ZMYM4: variants seen among roughly 807,000 people sequenced by gnomAD.
ZMYM4 encodes the protein zinc finger MYM-type containing 4, also known as zinc finger MYM-type protein 4.
ZMYM4 carries 31 observed loss-of-function variants against 183.2 expected under a neutral mutation model. The observed-to-expected ratio is 0.17, with a 90% CI of 0.13 to 0.23. ZMYM4 has a LOEUF of 0.23. Ranked by LOEUF, ZMYM4 falls within the 10% of genes least tolerant of loss-of-function variation. The probability of loss-of-function intolerance (pLI) is 1.00; values close to 1 mark genes in which losing one functional copy is unlikely to be tolerated. For synonymous variants in ZMYM4, 592 were observed against 631.2 expected, an observed-to-expected ratio of 0.94 and a Z score of 0.93; for missense variants, 1,273 against 1,840.3, an observed-to-expected ratio of 0.69 and a Z score of 5.64.
In ZMYM4 at chr1:35,389,921, A is replaced by T. The variant is rs1396811986; in HGVS notation, c.2437-27A>T. 1 of 1,587,974 alleles carries T rather than the reference A, an allele frequency of 6.3e-7. No individual in the cohort carries two copies. Among genetic ancestry groups the T allele is most frequent in the Non-Finnish European group, 8.6e-7 (1 of 1,163,158 alleles). ...TCAGACCACAGATAATTTGTTTCTTACTCCTTGACTACCTTCTTCTTTTTA... is the reference window on the plus strand; with the variant it reads ...TCAGACCACAGATAATTTGTTTCTTTCTCCTTGACTACCTTCTTCTTTTTA... On this transcript the variant is annotated intron_variant, in intron 14 of 29. Transcript: ENST00000314607. The surrounding 1 kb of genome is among the most constrained non-coding windows in gnomAD (Gnocchi z 4.0).
chr1:35,287,358 G>A (rs1284345018), intron 1 of ZMYM4, among the ~76,000 whole-genome samples: 1 of 150,986 alleles, frequency 6.6e-6, no homozygotes, highest in East Asian at 2.0e-4. Context: ...TCAGCCACTG[G>A]CTTATAGTAG....
chr1:35,365,193 AG>A, intron 5 of ZMYM4, among the ~76,000 whole-genome samples: 1 of 151,610 alleles, frequency 6.6e-6, no homozygotes, highest in Non-Finnish European at 1.5e-5. Flanking sequence ...TAGTTACTCA[AG>A]CCCTCATGGC....
At chr1:35,417,967 C>T (rs1336834335) in intron 28 of ZMYM4, among the ~76,000 whole-genome samples, 1 of 151,412 alleles carries the variant, frequency 6.6e-6, no homozygotes, top group African/African-American at 2.4e-5. Flanking sequence ...GAGATTTCGC[C>T]GTTGCACTCC....
At chr1:35,361,154 A>G in intron 3 of ZMYM4, 40 bp from the exon 4 acceptor site, 2 of 1,521,400 alleles carry the variant, frequency 1.3e-6, no homozygotes, top group Non-Finnish European at 8.9e-7. Context: ...TTTGTTATTC[A>G]TATACATGTG....
In ZMYM4 at chr1:35,340,037, A is replaced by C. The variant is rs568348295; in HGVS notation, c.85+14632A>C. Reference sequence around the variant, plus strand: ...TAATCTGATGGGACACATCCCTGAAAATTTTTCTTCAGGAATGTTTTGCCT... The same window carrying C: ...TAATCTGATGGGACACATCCCTGAACATTTTTCTTCAGGAATGTTTTGCCT... On this transcript the variant is annotated intron_variant, in intron 2 of 29. Transcript: ENST00000314607. 4.6e-5 allele frequency among the ~76,000 whole-genome samples: 7 copies of C among 152,304 alleles called. No homozygotes were observed. In the South Asian group the frequency reaches 1.5e-3, roughly 32 times the overall value.
chr1:35,273,467 G>A (rs746555808), intron 1 of ZMYM4, among the ~76,000 whole-genome samples: 2 of 152,042 alleles, frequency 1.3e-5, no homozygotes, highest in South Asian at 2.1e-4. Context: ...TAAATCGGGC[G>A]GCCATATTTT....
intron 7 of ZMYM4, among the ~76,000 whole-genome samples, chr1:35,375,036 T>G (rs187503566): frequency 2.4e-4 from 36 of 152,330 alleles, no homozygotes; most frequent in African/African-American, 7.0e-4. Context: ...CTCTTTACAG[T>G]TCTACCTTTT....
At chr1:35,373,568 T>G (rs11264144) in intron 7 of ZMYM4, among the ~76,000 whole-genome samples, 21 of 142,904 alleles carry the variant, frequency 1.5e-4, no homozygotes, top group Non-Finnish European at 2.6e-4. Context: ...TTTTTTTTTG[T>G]ATTTTCAGTA....
intron 2 of ZMYM4, among the ~76,000 whole-genome samples, chr1:35,327,959 C>T (rs1199014313): frequency 6.6e-6 from 1 of 152,124 alleles, no homozygotes; most frequent in East Asian, 1.9e-4. Context: ...GAAGGCATGC[C>T]TCTGTCACTA....
chr1:35,361,949 C>T (rs1384897821), intron 5 of ZMYM4, among the ~76,000 whole-genome samples, 160 bp downstream of exon 5: 2 of 152,180 alleles, frequency 1.3e-5, no homozygotes, highest in African/African-American at 2.4e-5. Context: ...AAGGCATTAA[C>T]GAGCTATATG....
chr1:35,306,801 A>G (rs1472603116), intron 1 of ZMYM4, among the ~76,000 whole-genome samples: 1 of 152,168 alleles, frequency 6.6e-6, no homozygotes, highest in African/African-American at 2.4e-5. Context: ...ATGCTTTTTC[A>G]TCCTTCTGAT....
chr1:35,315,945 A>G (rs566154), intron 1 of ZMYM4, among the ~76,000 whole-genome samples: 115,540 of 151,998 alleles, frequency 0.76, 48,547 homozygotes, highest in Non-Finnish European at 0.97. Context: ...AAAAATTATT[A>G]TTATTTTTTA....
chr1:35,367,362 G>C (rs1179433519), intron 5 of ZMYM4, among the ~76,000 whole-genome samples: 1 of 151,846 alleles, frequency 6.6e-6, no homozygotes, highest in Non-Finnish European at 1.5e-5. Context: ...CTGAGTAGCT[G>C]GGATTACAGG....
At chr1:35,346,443 G>A (rs529111872) in intron 2 of ZMYM4, among the ~76,000 whole-genome samples, 2 of 152,212 alleles carry the variant, frequency 1.3e-5, no homozygotes, top group Admixed American at 1.3e-4. Flanking sequence ...CTGAGGTCAG[G>A]AGTTCGAGAC....
chr1:35,274,180 G>A (rs1008033496), intron 1 of ZMYM4, among the ~76,000 whole-genome samples: 2 of 152,114 alleles, frequency 1.3e-5, no homozygotes, highest in African/African-American at 4.8e-5. Context: ...TGTATGCAAT[G>A]TGAATAATTT....
At chr1:35,307,009 A>T (rs1442471514) in intron 1 of ZMYM4, among the ~76,000 whole-genome samples, 1 of 152,202 alleles carries the variant, frequency 6.6e-6, no homozygotes, top group South Asian at 2.1e-4. Context: ...GCAGACCAGC[A>T]CTGTTTGTGC....
intron 5 of ZMYM4, among the ~76,000 whole-genome samples, chr1:35,367,162 A>T (rs182266437): frequency 2.4e-4 from 36 of 152,088 alleles, no homozygotes; most frequent in Middle Eastern, 3.4e-3. Context: ...TAAAAAATGG[A>T]TGGAGAGGTT....
intron 1 of ZMYM4, among the ~76,000 whole-genome samples, chr1:35,271,446 A>G (rs531694994): frequency 6.6e-6 from 1 of 151,998 alleles, no homozygotes; most frequent in Admixed American, 6.5e-5. Flanking sequence ...TCTGTTGCCC[A>G]GGCTAGAGTG....
rs574475529 is a variant in ZMYM4, at chr1:35,272,522, G to A, written c.39+3437G>A. Among the ~76,000 whole-genome samples the A allele has an allele frequency of 3.3e-5, 5 of 152,266 alleles. No individual in the cohort carries two copies. The East Asian group carries it at 9.7e-4, about 29-fold the overall frequency. On this transcript the variant is annotated intron_variant, in intron 1 of 29. Coordinates refer to ENST00000314607, the MANE Select transcript of ZMYM4 (RefSeq NM_005095.3). The stretch of plus-strand genomic sequence containing the variant: ...TCAAAAGACTTGCTGACTTATTTTT[G>A]TAAGAATAGCTTACCTAGTACAGCA...
Sources: allele counts gnomAD v4.1 joint callset (sites outside exome capture counted in the v4.1 genomes callset), GRCh38; gene constraint gnomAD v4.1.1; non-coding constraint Gnocchi (gnomAD v3.1); transcripts MANE v1.5; gene names NCBI Gene and HGNC (gene_info 2026-07-23, HGNC 2026-07-21).